Variants in INPP5D observed in about 807,000 individuals in gnomAD.
The protein encoded by INPP5D is inositol polyphosphate-5-phosphatase D.
In INPP5D, 33 loss-of-function variants were observed where a neutral mutation model predicts 122.9. The ratio of observed to expected loss-of-function variants is 0.27; its 90% CI spans 0.20 to 0.36. The LOEUF (loss-of-function observed/expected upper bound fraction) is 0.36. Among genes scored for constraint, INPP5D ranks in the 10% least tolerant of loss-of-function variants. INPP5D has a pLI of 1.00. For missense variants in INPP5D, 1,053 were observed against 1,412.7 expected, an observed-to-expected ratio of 0.75 and a Z score of 4.08; for synonymous variants, 584 against 576.2, an observed-to-expected ratio of 1.01 and a Z score of -0.19.
chr2:233,171,006 A>G, intron 16 of INPP5D, 58 bp from the exon 17 acceptor site: 1 of 1,592,600 alleles, frequency 6.3e-7, no homozygotes, highest in South Asian at 1.1e-5. Flanking sequence ...AATAGGGAAA[A>G]TTGGCCAGAT....
chr2:233,200,684 C>T (rs1574807200), intron 25 of INPP5D, among the ~76,000 whole-genome samples: 3 of 152,144 alleles, frequency 2.0e-5, no homozygotes, highest in Non-Finnish European at 2.9e-5. Context: ...ATAGGCCAGG[C>T]GCGGTGGCTC....
chr2:233,177,294 C>T lies in INPP5D; in HGVS notation c.2019C>T (p.Asp673=), dbSNP rs1461271142. The stretch of plus-strand genomic sequence containing the variant: ...AGTACAACTTGCCTTCCTGGTGTGA[C>T]CGAGTCCTCTGGAAGTCTTATCCCC... ...GMKYNLPSWC[D]RVLWKSYPLV... The change falls in exon 18 of 27, where the codon GAC becomes GAT. Residue 673 remains aspartate, a synonymous_variant. Transcript: ENST00000445964. This position sits in a 1 kb window ranked among gnomAD's most constrained non-coding sequence, Gnocchi z 4.2. 1.2e-6 allele frequency: 2 copies of T among 1,613,876 alleles called. No individual in the cohort carries two copies. Among genetic ancestry groups the T allele is most frequent in the Admixed American group, 1.7e-5 (1 of 60,018 alleles).
chr2:233,164,472 C>A lies in INPP5D; in HGVS notation c.1555+48C>A. ...GTTCCTCCCACACCCTCTGCCTCAA[C>A]TCTCGCGACCACATCATCCTGATCC... On this transcript the variant is annotated intron_variant, in intron 13 of 26. Coordinates refer to ENST00000445964, the MANE Select transcript of INPP5D (RefSeq NM_001017915.3). The surrounding 1 kb of genome is among the most constrained non-coding windows in gnomAD (Gnocchi z 4.3). The A allele has an allele frequency of 6.7e-7, 1 of 1,499,604 alleles. No homozygotes were observed. The highest frequency in any genetic ancestry group is 9.0e-7 in the Non-Finnish European group (1 of 1,115,626). 92.9% of individuals were successfully genotyped at this position (1,499,604 alleles called of 1,614,324 possible).
At chr2:233,181,660 C>A (rs891214926) in intron 18 of INPP5D, among the ~76,000 whole-genome samples, 1 of 152,172 alleles carries the variant, frequency 6.6e-6, no homozygotes, top group Admixed American at 6.5e-5. Context: ...AGCTCCTTAA[C>A]AGAGTTTTCT....
intron 2 of INPP5D, among the ~76,000 whole-genome samples, chr2:233,103,636 G>C (rs1160197917): frequency 6.6e-6 from 1 of 151,576 alleles, no homozygotes; most frequent in Non-Finnish European, 1.5e-5. Flanking sequence ...TGGCCCTTCT[G>C]TATCCTGGCT....
At chr2:233,161,326 A>G (rs182011561) in intron 10 of INPP5D, among the ~76,000 whole-genome samples, 1,596 of 152,246 alleles carry the variant, frequency 0.01, 13 homozygotes, top group Non-Finnish European at 0.016. Context: ...TCCTGACCTC[A>G]GGTGATCCAC....
At position 233,105,609 on chromosome 2, in the gene INPP5D, G is replaced by A. The variant is rs997412538; in HGVS notation, c.199-16498G>A. ...CCTGATGCCGGGGGCTGAGCCGGGG[G>A]GAAGAGAGCCAGAGGGGAAGGGAAG... is the stretch of plus-strand genomic sequence containing the variant. On this transcript the variant is annotated intron_variant, in intron 2 of 26. Transcript: ENST00000445964. The surrounding 1 kb of genome is among the most constrained non-coding windows in gnomAD (Gnocchi z 4.0). 6.6e-6 allele frequency among the ~76,000 whole-genome samples: 1 copy of A among 152,180 alleles called. No individual in the cohort carries two copies. The highest frequency in any genetic ancestry group is 6.5e-5 in the Admixed American group (1 of 15,270).
At chr2:233,095,436 G>A (rs1382243682) in intron 2 of INPP5D, among the ~76,000 whole-genome samples, 4 of 151,950 alleles carry the variant, frequency 2.6e-5, no homozygotes, top group Admixed American at 6.6e-5. Flanking sequence ...CCTGGCCAAC[G>A]TGGTAAAACC....
chr2:233,119,989 A>G (rs1692922967), intron 2 of INPP5D, among the ~76,000 whole-genome samples: 1 of 152,244 alleles, frequency 6.6e-6, no homozygotes, highest in Admixed American at 6.5e-5. Context: ...CGCTTGGCCC[A>G]GCCACGCTCA....
rs1056617665 is a variant in INPP5D, at chr2:233,194,321, C to T, written c.2596+360C>T. Reference sequence around the variant, plus strand: ...GTTAAATGGCTCCTTCCAGGCTGTCCGGGGAAGGCCACAGCTACAGCTGCA... The same window carrying T: ...GTTAAATGGCTCCTTCCAGGCTGTCTGGGGAAGGCCACAGCTACAGCTGCA... On this transcript the variant is annotated intron_variant, in intron 23 of 26. Transcript: ENST00000445964. Among the ~76,000 whole-genome samples, 3 of 152,082 alleles carry T rather than the reference C, an allele frequency of 2.0e-5. No individual in the cohort carries two copies. In the South Asian group the frequency reaches 6.2e-4, roughly 31 times the overall value.
intron 25 of INPP5D, among the ~76,000 whole-genome samples, chr2:233,201,435 A>AT: frequency 6.6e-6 from 1 of 152,346 alleles, no homozygotes; most frequent in South Asian, 2.1e-4. Flanking sequence ...TCCACGGGCA[A>AT]GGGGCCCCCA....
chr2:233,202,300 G>A (rs1695361140), intron 25 of INPP5D, among the ~76,000 whole-genome samples: 1 of 152,184 alleles, frequency 6.6e-6, no homozygotes, highest in Non-Finnish European at 1.5e-5. Flanking sequence ...GGCCTTTGAG[G>A]GTCCACACGG....
chr2:233,103,215 A>C (rs57075268), intron 2 of INPP5D, among the ~76,000 whole-genome samples: 321 of 152,302 alleles, frequency 2.1e-3, no homozygotes, highest in African/African-American at 7.4e-3. Context: ...ATGGGCATCC[A>C]GGTTCCCTGC....
intron 3 of INPP5D, among the ~76,000 whole-genome samples, chr2:233,124,843 C>T (rs988418185): frequency 5.9e-5 from 9 of 152,360 alleles, no homozygotes; most frequent in African/African-American, 2.2e-4. Context: ...GTTGTCGGCT[C>T]GAACCAGAGC....
chr2:233,187,357 C>G (rs1017432541), intron 21 of INPP5D, among the ~76,000 whole-genome samples: 6 of 152,118 alleles, frequency 3.9e-5, no homozygotes, highest in Non-Finnish European at 2.9e-5. Flanking sequence ...GAAGGGGAGT[C>G]CCAGGCCAGG....
At chr2:233,077,240 C>T (rs1691543524) in intron 1 of INPP5D, among the ~76,000 whole-genome samples, 1 of 152,182 alleles carries the variant, frequency 6.6e-6, no homozygotes, top group African/African-American at 2.4e-5. Context: ...TCTGAACTTA[C>T]TTACAAACAG....
chr2:233,195,233 A>G (rs1046560099), intron 23 of INPP5D, among the ~76,000 whole-genome samples, 166 bp from the exon 24 acceptor site: 9 of 152,124 alleles, frequency 5.9e-5, no homozygotes, highest in African/African-American at 2.2e-4. Flanking sequence ...TAACTAATCA[A>G]TCACTGAACT....
intron 4 of INPP5D, among the ~76,000 whole-genome samples, 174 bp from the exon 5 acceptor site, chr2:233,130,334 C>G (rs1420002020): frequency 6.6e-6 from 1 of 152,166 alleles, no homozygotes; most frequent in Non-Finnish European, 1.5e-5. Flanking sequence ...CTAATCTACC[C>G]CATCAGTGAG....
chr2:233,184,944 G>A (rs1054625381), intron 20 of INPP5D, among the ~76,000 whole-genome samples: 13 of 151,990 alleles, frequency 8.6e-5, no homozygotes, highest in African/African-American at 9.7e-5. Context: ...CCTCTTGCTC[G>A]TTGGAGATCA....
Sources: allele counts gnomAD v4.1 joint callset (sites outside exome capture counted in the v4.1 genomes callset), GRCh38; gene constraint gnomAD v4.1.1; non-coding constraint Gnocchi (gnomAD v3.1); transcripts MANE v1.5; gene names NCBI Gene and HGNC (gene_info 2026-07-23, HGNC 2026-07-21).